LRRTM3: variants seen among roughly 807,000 people sequenced by gnomAD.
The protein encoded by LRRTM3 is leucine-rich repeat transmembrane neuronal protein 3.
Under a neutral mutation model 44.7 loss-of-function variants are expected in LRRTM3, and 24 were observed. The ratio of observed to expected loss-of-function variants is 0.54; its 90% CI spans 0.39 to 0.76. The LOEUF is 0.76. Among genes scored for constraint, LRRTM3 ranks in the 30% least tolerant of loss-of-function variants. The pLI is 0.00. For missense variants in LRRTM3, 587 were observed against 702.2 expected, an observed-to-expected ratio of 0.84 and a Z score of 1.85; for synonymous variants, 277 against 278.7, an observed-to-expected ratio of 0.99 and a Z score of 0.06.
chr10:67,040,260 T>C (rs1358905302), intron 2 of LRRTM3, among the ~76,000 whole-genome samples: 1 of 152,040 alleles, frequency 6.6e-6, no homozygotes, highest in African/African-American at 2.4e-5. Context: ...ATCCTAAGGG[T>C]TCCAGATAAG....
At position 66,926,940 on chromosome 10, in the gene LRRTM3, A is replaced by G. The variant is rs147329406; in HGVS notation, c.24A>G (p.Leu8=). Residue 8 remains leucine, a synonymous_variant, in exon 2 of 3, where the codon CTA becomes CTG. Coordinates refer to ENST00000361320, the MANE Select transcript of LRRTM3 (RefSeq NM_178011.5). The part of the protein sequence containing the change: MGFNVIR[L]LSGSAVALVI... ...TTCCAGGTTTCAATGTAATTAGGCT[A>G]CTGAGCGGATCAGCTGTAGCACTGG... 62 of 1,593,066 alleles carry G rather than the reference A, an allele frequency of 3.9e-5. No individual in the cohort carries two copies. The African/African-American group carries it at 7.7e-4, about 20-fold the overall frequency.
At chr10:66,987,076 T>C (rs1047661762) in intron 2 of LRRTM3, among the ~76,000 whole-genome samples, 73 of 152,086 alleles carry the variant, frequency 4.8e-4, no homozygotes, top group African/African-American at 1.7e-3. Context: ...AGTGCAAAAG[T>C]CCCGACGTGA....
At chr10:66,969,227 T>C (rs1369150881) in intron 2 of LRRTM3, among the ~76,000 whole-genome samples, 1 of 152,098 alleles carries the variant, frequency 6.6e-6, no homozygotes, top group East Asian at 1.9e-4. Flanking sequence ...TTCATACATC[T>C]ATGCACAGGC....
intron 2 of LRRTM3, among the ~76,000 whole-genome samples, chr10:67,033,590 T>G (rs890628913): frequency 6.6e-6 from 1 of 152,206 alleles, no homozygotes; most frequent in Non-Finnish European, 1.5e-5. Flanking sequence ...CCGAGCACTG[T>G]TCTAACTACA....
intron 2 of LRRTM3, among the ~76,000 whole-genome samples, chr10:66,936,185 A>AAC (rs901972380): frequency 6.6e-6 from 1 of 152,152 alleles, no homozygotes; most frequent in Non-Finnish European, 1.5e-5. Context: ...TTTATGGTCT[A>AAC]ACACACACAG....
chr10:67,020,724 T>A (rs1852953502), intron 2 of LRRTM3, among the ~76,000 whole-genome samples: 2 of 152,278 alleles, frequency 1.3e-5, no homozygotes, highest in Middle Eastern at 3.4e-3. Flanking sequence ...ACCTGGGTTT[T>A]AAAAAGGCAT....
intron 2 of LRRTM3, among the ~76,000 whole-genome samples, chr10:66,981,351 A>G (rs1850429708): frequency 6.6e-6 from 1 of 152,222 alleles, no homozygotes; most frequent in South Asian, 2.1e-4. Flanking sequence ...TCCTGCTTTA[A>G]AACTTCATCA....
At chr10:67,002,954 G>C (rs533749688) in intron 2 of LRRTM3, among the ~76,000 whole-genome samples, 1 of 152,024 alleles carries the variant, frequency 6.6e-6, no homozygotes, top group African/African-American at 2.4e-5. Context: ...TATACTCTTC[G>C]TAAGACTTGT....
In LRRTM3 at chr10:66,949,385, C is replaced by T. The variant is rs527738903; in HGVS notation, c.1536+20933C>T. ...CAGCCTGACCAACATGGAGAAACCC[C>T]GTCTCTACTAAAAAAATACAAAATT... is the stretch of plus-strand genomic sequence containing the variant. On this transcript the variant is annotated intron_variant, in intron 2 of 2. Transcript: ENST00000361320. 2.9e-3 allele frequency among the ~76,000 whole-genome samples: 444 copies of T among 152,060 alleles called. 1 individual carries two copies. Among genetic ancestry groups the T allele is most frequent in the African/African-American group, 0.01 (423 of 41,472 alleles).
chr10:67,029,665 C>T (rs10997486), intron 2 of LRRTM3, among the ~76,000 whole-genome samples: 7,105 of 152,146 alleles, frequency 0.047, 191 homozygotes, highest in East Asian at 0.13. Flanking sequence ...TTTTAATTTT[C>T]CCAAAAGACT....
At chr10:67,088,478 T>C (rs1037966566) in intron 2 of LRRTM3, among the ~76,000 whole-genome samples, 1 of 151,924 alleles carries the variant, frequency 6.6e-6, no homozygotes, top group Non-Finnish European at 1.5e-5. Context: ...AGATTTTTTA[T>C]TGCAAAGATA....
At chr10:67,031,891 A>G (rs1233832451) in intron 2 of LRRTM3, among the ~76,000 whole-genome samples, 2 of 152,178 alleles carry the variant, frequency 1.3e-5, no homozygotes, top group Non-Finnish European at 2.9e-5. Context: ...GCTTATCCCC[A>G]TGCAATAATG....
intron 2 of LRRTM3, among the ~76,000 whole-genome samples, chr10:67,060,098 T>C (rs953928034): frequency 1.1e-4 from 17 of 152,100 alleles, no homozygotes; most frequent in Non-Finnish European, 4.4e-5. Context: ...GGTGGATCAC[T>C]TGAGCCTAGG....
rs1858142764 is a variant in LRRTM3, at chr10:67,098,421, G to C, written c.*625G>C. Reference sequence around the variant, plus strand: ...AAAAAGGATTTAATTGTTCAGACTTGTAAGAGGTTCTTCAATTACATAGGC... The same window carrying C: ...AAAAAGGATTTAATTGTTCAGACTTCTAAGAGGTTCTTCAATTACATAGGC... On this transcript the variant is annotated 3_prime_UTR_variant, in exon 3 of 3. Coordinates refer to ENST00000361320, the MANE Select transcript of LRRTM3 (RefSeq NM_178011.5). 1 of 152,052 alleles carries C rather than the reference G, an allele frequency of 6.6e-6. No homozygotes were observed. Among genetic ancestry groups the C allele is most frequent in the South Asian group, 2.1e-4 (1 of 4,820 alleles). The allele number at this position is 152,052 out of a possible 1,614,324, so 9.4% of individuals were successfully genotyped here. A position where few individuals can be genotyped will look rare whatever the true frequency, so the allele number is the denominator to read the frequency against.
At chr10:67,000,531 TACA>T (rs1366996551) in intron 2 of LRRTM3, among the ~76,000 whole-genome samples, 3 of 152,292 alleles carry the variant, frequency 2.0e-5, no homozygotes, top group Admixed American at 6.5e-5. Context: ...ATCACAAAAT[TACA>T]ACAAGCTAAA....
At chr10:67,020,787 A>G (rs2133072078) in intron 2 of LRRTM3, among the ~76,000 whole-genome samples, 1 of 152,322 alleles carries the variant, frequency 6.6e-6, no homozygotes, top group Non-Finnish European at 1.5e-5. Context: ...TAAGTTTCAG[A>G]AAGGTGTAGT....
At position 67,082,018 on chromosome 10, in the gene LRRTM3, A is replaced by G. The variant is rs189398034; in HGVS notation, c.1537-15569A>G. On this transcript the variant is annotated intron_variant, in intron 2 of 2. Coordinates refer to ENST00000361320, the MANE Select transcript of LRRTM3 (RefSeq NM_178011.5). ...CAGTTCCTGAAACTTAATGTTCACA[A>G]AATAGGAGTACCTAGGCTACCTTTG... Among the ~76,000 whole-genome samples the G allele has an allele frequency of 5.7e-3, 867 of 152,336 alleles. 4 individuals are homozygous for G. The highest frequency in any genetic ancestry group is 0.01 in the Middle Eastern group (3 of 294).
intron 2 of LRRTM3, among the ~76,000 whole-genome samples, chr10:67,014,606 T>C (rs1377866448): frequency 2.0e-5 from 3 of 152,150 alleles, no homozygotes; most frequent in African/African-American, 7.2e-5. Flanking sequence ...CTTTCTTTAG[T>C]AGCTAATGGA....
intron 2 of LRRTM3, 96 bp from the exon 3 acceptor site, chr10:67,097,491 T>C (rs1858074792): frequency 2.9e-6 from 3 of 1,035,410 alleles, no homozygotes; most frequent in Non-Finnish European, 2.9e-6. Context: ...GATATAACCA[T>C]GGAGGTTAGT....
Sources: allele counts gnomAD v4.1 joint callset (sites outside exome capture counted in the v4.1 genomes callset), GRCh38; gene constraint gnomAD v4.1.1; transcripts MANE v1.5; gene names NCBI Gene and HGNC (gene_info 2026-07-23, HGNC 2026-07-21).